The following TDP1 variants were observed in gnomAD, a reference collection of about 807,000 sequenced individuals.
TDP1 encodes tyr-DNA phosphodiesterase 1.
Under a neutral mutation model 81.5 loss-of-function variants are expected in TDP1, and 64 were observed. That is an observed-to-expected ratio of 0.79 (90% confidence interval 0.64 to 0.97). The LOEUF (loss-of-function observed/expected upper bound fraction) is 0.97, where lower values mean the gene tolerates loss of function less well. TDP1 is among the 50% of genes least tolerant of loss of function. The pLI is 0.00. For missense variants in TDP1, 723 were observed against 743.8 expected (o/e 0.97, Z 0.33); for synonymous variants, 256 against 264.3 (o/e 0.97, Z 0.30).
In TDP1 at chr14:89,963,246, C is replaced by A; in HGVS notation, c.132C>A (p.Pro44=). ...CCAGGCAAGGAGCAGCAAATGAGCC[C>A]AGGTACACCTGTTCCGAGGCCCAGA... ...LCARQGAANE[P]RYTCSEAQKA... Residue 44 remains proline (P), a synonymous_variant, in exon 3 of 17, where the codon CCC becomes CCA. Coordinates refer to ENST00000335725, the MANE Select transcript of TDP1 (RefSeq NM_018319.4). 1 of 1,614,150 alleles carries A rather than the reference C, an allele frequency of 6.2e-7. No individual in the cohort carries two copies. Among genetic ancestry groups the A allele is most frequent in the Admixed American group, 1.7e-5 (1 of 60,030 alleles).
chr14:90,027,037 T>C (rs1408556763), intron 15 of TDP1, among the ~76,000 whole-genome samples: 4 of 152,230 alleles, frequency 2.6e-5, no homozygotes, highest in African/African-American at 9.6e-5. Context: ...ATCGCCACAC[T>C]GTCTTCCACA....
intron 14 of TDP1, among the ~76,000 whole-genome samples, chr14:89,996,314 C>A (rs1596587991): frequency 6.6e-6 from 1 of 152,116 alleles, no homozygotes; most frequent in African/African-American, 2.4e-5. Flanking sequence ...CCATTCTTAC[C>A]CATTAATCCC....
Position 89,985,155 on chromosome 14 carries a change from C to T in TDP1, c.1076C>T (p.Pro359Leu). Reference sequence around the variant, plus strand: ...AGTGTTTATCTTATTGGTTCAACCCCAGGACGCTTTCAAGGAAGTCAAAAA... The same window carrying T: ...AGTGTTTATCTTATTGGTTCAACCCTAGGACGCTTTCAAGGAAGTCAAAAA... ...ETNVYLIGST[P>L]GRFQGSQKDN... Residue 359 changes from proline to leucine, a missense_variant, in exon 10 of 17, where the codon CCA becomes CTA. Transcript: ENST00000335725. 1 of 1,611,660 alleles carries T rather than the reference C, an allele frequency of 6.2e-7. No homozygotes were observed. Among genetic ancestry groups the T allele is most frequent in the African/African-American group, 1.3e-5 (1 of 74,936 alleles).
intron 8 of TDP1, among the ~76,000 whole-genome samples, chr14:89,983,790 G>C (rs1297591170): frequency 1.3e-5 from 2 of 152,218 alleles, no homozygotes; most frequent in Non-Finnish European, 2.9e-5. Flanking sequence ...TGGATATAAT[G>C]TAGAAGTTTT....
intron 14 of TDP1, among the ~76,000 whole-genome samples, chr14:90,017,201 C>T (rs964470974): frequency 1.3e-5 from 2 of 151,810 alleles, no homozygotes; most frequent in African/African-American, 4.8e-5. Flanking sequence ...CTGTACATGA[C>T]GGGCGTGTGT....
At chr14:90,004,231 A>G (rs1006152254) in intron 14 of TDP1, among the ~76,000 whole-genome samples, 1 of 152,060 alleles carries the variant, frequency 6.6e-6, no homozygotes, top group African/African-American at 2.4e-5. Context: ...GAGCATCATC[A>G]CTGATGGAAA....
chr14:90,002,877 AAAG>A (rs1050300162), intron 14 of TDP1, among the ~76,000 whole-genome samples: 15 of 152,186 alleles, frequency 9.9e-5, no homozygotes, highest in East Asian at 1.9e-4. Flanking sequence ...TGTCTCAAAA[AAAG>A]AAGATCTTTT....
chr14:89,973,762 C>T (rs888078377), intron 6 of TDP1, among the ~76,000 whole-genome samples: 4 of 152,052 alleles, frequency 2.6e-5, no homozygotes, highest in Non-Finnish European at 2.9e-5. Flanking sequence ...ACCTGGGTGA[C>T]TTTTCTTGGA....
intron 14 of TDP1, among the ~76,000 whole-genome samples, chr14:90,004,065 C>A (rs908913310): frequency 6.6e-6 from 1 of 152,138 alleles, no homozygotes. Flanking sequence ...TGCTTTGTTA[C>A]AAATGATGGT....
At chr14:89,964,845 C>G (rs191714711) in intron 3 of TDP1, 41 of 447,266 alleles carry the variant, frequency 9.2e-5, no homozygotes, top group Middle Eastern at 6.6e-4. Flanking sequence ...CTCCTTTAAT[C>G]CTCAGGACAG....
At chr14:89,999,620 G>T (rs1897020743) in intron 14 of TDP1, among the ~76,000 whole-genome samples, 1 of 152,148 alleles carries the variant, frequency 6.6e-6, no homozygotes, top group South Asian at 2.1e-4. Context: ...AATTATAGGA[G>T]TAATAAGCAC....
Position 89,984,644 on chromosome 14 carries a change from G to A in TDP1, c.1013G>A (p.Trp338Ter), listed in dbSNP as rs1341371098. ...TATAATGCCCCTTCTCTCAAGGAGT[G>A]GATAGATGTCATTCACAAGCACGAT... ...MAYNAPSLKEWIDVIHKHDLS... is the reference protein window; with the variant it reads ...MAYNAPSLKE The change falls in exon 9 of 17, where the codon TGG (tryptophan) becomes TAG (stop). Residue 338 changes from tryptophan (W) to a stop codon, truncating the protein, a stop_gained. Coordinates refer to ENST00000335725, the MANE Select transcript of TDP1 (RefSeq NM_018319.4). LOFTEE classifies it high-confidence loss of function. 3.1e-6 allele frequency: 5 copies of A among 1,613,964 alleles called. No individual in the cohort carries two copies. The African/African-American group carries it at 4.0e-5, about 13-fold the overall frequency.
chr14:89,980,776 A>G, intron 8 of TDP1, 144 bp downstream of exon 8: 1 of 730,530 alleles, frequency 1.4e-6, no homozygotes, highest in Non-Finnish European at 2.3e-6. Flanking sequence ...GTATGCAGAA[A>G]AAGTTACTGT....
chr14:90,010,762 T>C (rs536518827), intron 14 of TDP1, among the ~76,000 whole-genome samples: 1 of 152,356 alleles, frequency 6.6e-6, no homozygotes, highest in East Asian at 1.9e-4. Flanking sequence ...CTTTACTTTG[T>C]GTAAGATAAT....
Position 89,984,959 on chromosome 14 carries a change from A to G in TDP1, c.1053-173A>G, listed in dbSNP as rs1296406. The G allele has an allele frequency of 0.99, 943,504 of 951,538 alleles. 467,772 individuals carry two copies. The highest frequency in any genetic ancestry group is 1 in the East Asian group (8,658 of 8,658). 58.9% of individuals were successfully genotyped at this position (951,538 alleles called of 1,614,324 possible). On this transcript the variant is annotated intron_variant, in intron 9 of 16. Coordinates refer to ENST00000335725, the MANE Select transcript of TDP1 (RefSeq NM_018319.4). ...GTCTGGTACTTTACATCTTGTAGGCATTCCATCATTAGTTGATTTGCTTGA... is the reference window on the plus strand; with the variant it reads ...GTCTGGTACTTTACATCTTGTAGGCGTTCCATCATTAGTTGATTTGCTTGA...
intron 2 of TDP1, among the ~76,000 whole-genome samples, chr14:89,959,139 C>T (rs546986312): frequency 4.6e-5 from 7 of 152,258 alleles, no homozygotes; most frequent in South Asian, 2.1e-4. Flanking sequence ...AACACTGTGC[C>T]GTTCTGATTG....
At chr14:90,020,567 C>CTTCCTTCCT (rs1885922780) in intron 15 of TDP1, among the ~76,000 whole-genome samples, 2 of 17,964 alleles carry the variant, frequency 1.1e-4, no homozygotes, top group African/African-American at 1.0e-3. Flanking sequence ...CCCTCCCTCC[C>CTTCCTTCCT]TCCCTTCCTT....
intron 14 of TDP1, among the ~76,000 whole-genome samples, chr14:90,003,020 C>T (rs1274745811): frequency 2.6e-5 from 4 of 152,288 alleles, no homozygotes; most frequent in South Asian, 4.1e-4. Context: ...TCACTGCAAC[C>T]TCCGCCTCCC....
chr14:90,038,458 C>T (rs1326080193), intron 16 of TDP1, among the ~76,000 whole-genome samples: 2 of 152,148 alleles, frequency 1.3e-5, no homozygotes, highest in Non-Finnish European at 2.9e-5. Flanking sequence ...TGCTAGAGTC[C>T]AGAATCATCA....
Sources: allele counts gnomAD v4.1 joint callset (sites outside exome capture counted in the v4.1 genomes callset), GRCh38; gene constraint gnomAD v4.1.1; transcripts MANE v1.5; gene names NCBI Gene and HGNC (gene_info 2026-07-23, HGNC 2026-07-21).